Variants in CR1 observed in about 807,000 individuals in gnomAD.
CR1 encodes the protein complement C3b/C4b receptor 1 (Knops blood group), also known as complement receptor type 1.
A neutral mutation model predicts 187.3 loss-of-function variants in CR1; 116 were observed. The observed-to-expected ratio is 0.62, with a 90% CI of 0.53 to 0.72. The LOEUF (loss-of-function observed/expected upper bound fraction) is 0.72. CR1 is among the 30% of genes least tolerant of loss of function. CR1 has a pLI of 0.00. For missense variants in CR1, 1,731 were observed against 2,110.7 expected, an observed-to-expected ratio of 0.82 and a Z score of 3.52; for synonymous variants, 576 against 747.1, an observed-to-expected ratio of 0.77 and a Z score of 3.73.
chr1:207,628,863 T>C (rs1571617379), intron 45 of CR1, among the ~76,000 whole-genome samples: 1 of 152,220 alleles, frequency 6.6e-6, no homozygotes, highest in Non-Finnish European at 1.5e-5. Flanking sequence ...TTTTTTACTC[T>C]TTATTCTGAG....
chr1:207,617,003 T>C (rs1662119950), intron 41 of CR1, among the ~76,000 whole-genome samples: 1 of 152,100 alleles, frequency 6.6e-6, no homozygotes, highest in Non-Finnish European at 1.5e-5. Flanking sequence ...TGGTCCTTCC[T>C]ATGGGGTGAA....
intron 4 of CR1, among the ~76,000 whole-genome samples, chr1:207,519,093 C>A (rs549383769): frequency 6.6e-6 from 1 of 152,262 alleles, no homozygotes; most frequent in South Asian, 2.1e-4. Context: ...CATAATACTT[C>A]TTACCTTAAA....
At chr1:207,513,245 T>C (rs1447447361) in intron 4 of CR1, among the ~76,000 whole-genome samples, 1 of 152,218 alleles carries the variant, frequency 6.6e-6, no homozygotes, top group Non-Finnish European at 1.5e-5. Flanking sequence ...TCAGCTCAAA[T>C]ATGCATTACA....
At chr1:207,630,084 G>A (rs1662595520) in intron 45 of CR1, among the ~76,000 whole-genome samples, 1 of 152,122 alleles carries the variant, frequency 6.6e-6, no homozygotes, top group South Asian at 2.1e-4. Flanking sequence ...CCTAACCGTG[G>A]ATATTGCTTG....
chr1:207,606,865 G>A (rs1262953091), intron 35 of CR1, among the ~76,000 whole-genome samples: 2 of 152,142 alleles, frequency 1.3e-5, no homozygotes, highest in Non-Finnish European at 2.9e-5. Flanking sequence ...TCTAAGCTAG[G>A]TGCTATAGTG....
At chr1:207,542,658 CG>C in intron 13 of CR1, 78 bp downstream of exon 13, 1 of 594,106 alleles carries the variant, frequency 1.7e-6, no homozygotes. Context: ...TATTTGTTCA[CG>C]GGGAGGGATG....
chr1:207,511,520 A>C lies in CR1; in HGVS notation c.402-49A>C, dbSNP rs756172573. Reference sequence around the variant, plus strand: ...TCTGGAAGTAGTAATTTAATTGGGTAGTTGACCTGTGTCTTTAGAATGTAA... The same window carrying C: ...TCTGGAAGTAGTAATTTAATTGGGTCGTTGACCTGTGTCTTTAGAATGTAA... On this transcript the variant is annotated intron_variant, in intron 3 of 46. Coordinates refer to ENST00000367049, the MANE Select transcript of CR1 (RefSeq NM_000651.6). The C allele has an allele frequency of 9.0e-6, 14 of 1,555,586 alleles. No individual in the cohort carries two copies. In the South Asian group the frequency reaches 1.4e-4, roughly 16 times the overall value.
At chr1:207,615,789 A>G (rs1346076777) in intron 40 of CR1, among the ~76,000 whole-genome samples, 3 of 152,230 alleles carry the variant, frequency 2.0e-5, no homozygotes, top group Non-Finnish European at 4.4e-5. Context: ...TAGAGCTGAA[A>G]ATAAATATAT....
At position 207,635,533 on chromosome 1, in the gene CR1, C is replaced by T. The variant is rs555152725; in HGVS notation, c.7458-3864C>T. Among the ~76,000 whole-genome samples, 70 of 152,292 alleles carry T rather than the reference C, an allele frequency of 4.6e-4. 2 individuals carry two copies. Among genetic ancestry groups the T allele is most frequent in the South Asian group, 4.2e-4 (2 of 4,810 alleles). ...CCCCTAACTCAGTAGATGGAATATA[C>T]AATCGGGTTTTACACCGAGACATTC... On this transcript the variant is annotated intron_variant, in intron 46 of 46. Coordinates refer to ENST00000367049, the MANE Select transcript of CR1 (RefSeq NM_000651.6).
At chr1:207,505,767 C>T (rs540477000) in intron 1 of CR1, 137 bp from the exon 2 acceptor site, 38 of 889,712 alleles carry the variant, frequency 4.3e-5, no homozygotes, top group African/African-American at 4.2e-4. Context: ...ACCCAAGAGG[C>T]GGAGGTTGCA....
At chr1:207,521,310 T>C (rs1019864473) in intron 4 of CR1, among the ~76,000 whole-genome samples, 4 of 152,112 alleles carry the variant, frequency 2.6e-5, no homozygotes, top group African/African-American at 9.7e-5. Context: ...TTTAATGATG[T>C]CTTGCATCAG....
chr1:207,511,344 A>G (rs111269891), intron 3 of CR1, among the ~76,000 whole-genome samples: 8 of 152,334 alleles, frequency 5.3e-5, no homozygotes, highest in African/African-American at 1.9e-4. Flanking sequence ...AAAAAGTGTC[A>G]TAAGGTAATA....
At chr1:207,592,503 A>T (rs1340531390) in intron 35 of CR1, among the ~76,000 whole-genome samples, 2 of 152,208 alleles carry the variant, frequency 1.3e-5, no homozygotes, top group Non-Finnish European at 2.9e-5. Context: ...GAATGGGCAA[A>T]TGCTGGAAGC....
chr1:207,639,690 T>C lies in CR1; in HGVS notation c.*281T>C, dbSNP rs1289562993. The C allele has an allele frequency of 3.1e-6, 1 of 321,294 alleles. No homozygotes were observed. Among genetic ancestry groups the C allele is most frequent in the Non-Finnish European group, 5.7e-6 (1 of 175,962 alleles). The allele number at this position is 321,294 out of a possible 1,614,324, so 19.9% of individuals were successfully genotyped here. A position where few individuals can be genotyped will look rare whatever the true frequency, so the allele number is the denominator to read the frequency against. ...TGCATTTAGGAGATAGAAAATAGTT[T>C]GGATTACTTAAAGGAATAAGGTGTT... On this transcript the variant is annotated 3_prime_UTR_variant, in exon 47 of 47. Transcript: ENST00000367049.
intron 3 of CR1, among the ~76,000 whole-genome samples, chr1:207,508,227 T>C (rs1659504945): frequency 6.6e-6 from 1 of 152,200 alleles, no homozygotes; most frequent in East Asian, 1.9e-4. Flanking sequence ...GTACATGTCA[T>C]AATAAATTTA....
intron 34 of CR1, among the ~76,000 whole-genome samples, chr1:207,587,994 CAG>C (rs1182582991): frequency 6.6e-6 from 1 of 152,100 alleles, no homozygotes; most frequent in African/African-American, 2.4e-5. Context: ...ATGAATGAAA[CAG>C]GGGTACAAAA....
At chr1:207,568,244 G>C (rs1660569858) in intron 25 of CR1, among the ~76,000 whole-genome samples, 1 of 144,884 alleles carries the variant, frequency 6.9e-6, no homozygotes, top group Non-Finnish European at 1.5e-5. Flanking sequence ...GATGAAAAAA[G>C]AGGGAGGCGG....
chr1:207,577,523 A>T (rs1338596288), intron 28 of CR1, among the ~76,000 whole-genome samples: 1 of 152,222 alleles, frequency 6.6e-6, no homozygotes, highest in Non-Finnish European at 1.5e-5. Context: ...TAATCCCAGC[A>T]CTTTGAAAGG....
chr1:207,635,030 G>A lies in CR1; in HGVS notation c.7458-4367G>A, dbSNP rs773282116. 6.6e-5 allele frequency among the ~76,000 whole-genome samples: 10 copies of A among 152,052 alleles called. No individual in the cohort carries two copies. The East Asian group carries it at 9.6e-4, about 15-fold the overall frequency. ...GTTTTCTACTAATGTCTCCATTTTC[G>A]CCATACTTTCTATGTCCTACATAGC... On this transcript the variant is annotated intron_variant, in intron 46 of 46. Transcript: ENST00000367049.
Sources: allele counts gnomAD v4.1 joint callset (sites outside exome capture counted in the v4.1 genomes callset), GRCh38; gene constraint gnomAD v4.1.1; transcripts MANE v1.5; gene names NCBI Gene and HGNC (gene_info 2026-07-23, HGNC 2026-07-21).